ELOVL5: variants seen among roughly 807,000 people sequenced by gnomAD.
The protein encoded by ELOVL5 is ELOVL fatty acid elongase 5.
ELOVL5 carries 8 observed loss-of-function variants against 38.6 expected under a neutral mutation model. The observed-to-expected ratio is 0.21, with a 90% CI of 0.12 to 0.37. The LOEUF is 0.37. Among genes scored for constraint, ELOVL5 ranks in the 10% least tolerant of loss-of-function variants. The pLI is 1.00. For missense variants in ELOVL5, 280 were observed against 367.8 expected, an observed-to-expected ratio of 0.76 and a Z score of 1.95; for synonymous variants, 127 against 133.7, an observed-to-expected ratio of 0.95 and a Z score of 0.34.
intron 1 of ELOVL5, among the ~76,000 whole-genome samples, chr6:53,307,392 TA>T (rs1401221330): frequency 6.6e-6 from 1 of 152,220 alleles, no homozygotes; most frequent in Non-Finnish European, 1.5e-5. Flanking sequence ...AAAATGAGGG[TA>T]ATTACATTAA....
intron 3 of ELOVL5, among the ~76,000 whole-genome samples, chr6:53,279,404 C>G (rs13192256): frequency 0.062 from 9,393 of 152,252 alleles, 402 homozygotes; most frequent in African/African-American, 0.11. Context: ...TCTCCTTCCT[C>G]TACCCTCACC....
chr6:53,273,560 G>C (rs928736968), intron 5 of ELOVL5, among the ~76,000 whole-genome samples: 2 of 152,222 alleles, frequency 1.3e-5, no homozygotes, highest in South Asian at 2.1e-4. Context: ...CCGAGCCCAG[G>C]GGTCAGCTGT....
chr6:53,273,891 T>C (rs960123509), intron 5 of ELOVL5, among the ~76,000 whole-genome samples: 14 of 152,218 alleles, frequency 9.2e-5, no homozygotes, highest in African/African-American at 2.7e-4. Flanking sequence ...AGCCATCTTA[T>C]CACATCATTT....
rs935628477 is a variant in ELOVL5, at chr6:53,329,616, G to A, written c.-9+19201C>T. Among the ~76,000 whole-genome samples the A allele has an allele frequency of 3.3e-5, 5 of 152,166 alleles. No individual in the cohort carries two copies. In the South Asian group the frequency reaches 8.3e-4, roughly 25 times the overall value. On this transcript the variant is annotated intron_variant, in intron 1 of 7. Transcript: ENST00000304434. ...AGGCGGGTGGATCACCTGAGGTCAG[G>A]AGTTCGAGACCAGCCTGGCCAACAC...
At chr6:53,306,387 A>G (rs112595921) in intron 1 of ELOVL5, among the ~76,000 whole-genome samples, 169 of 12,246 alleles carry the variant, frequency 0.014, 10 homozygotes, top group African/African-American at 0.029. Flanking sequence ...GAGGGGAGAG[A>G]GAGAGGGGAG....
At chr6:53,312,687 T>C (rs530287939) in intron 1 of ELOVL5, among the ~76,000 whole-genome samples, 1 of 152,332 alleles carries the variant, frequency 6.6e-6, no homozygotes, top group Admixed American at 6.5e-5. Flanking sequence ...GATCTCTGTA[T>C]TATTTCTTAC....
At chr6:53,302,861 A>G (rs1384919439) in intron 1 of ELOVL5, among the ~76,000 whole-genome samples, 3 of 151,772 alleles carry the variant, frequency 2.0e-5, no homozygotes, top group African/African-American at 4.8e-5. Context: ...ACGTTTAGCT[A>G]TTGTCTAGCT....
chr6:53,299,540 C>A (rs1767162282), intron 1 of ELOVL5, among the ~76,000 whole-genome samples: 1 of 152,202 alleles, frequency 6.6e-6, no homozygotes, highest in African/African-American at 2.4e-5. Context: ...TCTAGGCTAA[C>A]ATCACGGCAA....
At chr6:53,323,576 C>CTTTTTT (rs3063792) in intron 1 of ELOVL5, among the ~76,000 whole-genome samples, 83 of 81,534 alleles carry the variant, frequency 1.0e-3, no homozygotes, top group African/African-American at 2.0e-3. Flanking sequence ...TACTAGCCAG[C>CTTTTTT]TTTTTTTTTT....
intron 1 of ELOVL5, among the ~76,000 whole-genome samples, chr6:53,323,222 TC>T (rs757189960): frequency 6.6e-6 from 1 of 152,140 alleles, no homozygotes; most frequent in Non-Finnish European, 1.5e-5. Flanking sequence ...CACTACTGGG[TC>T]CCAAGTAGTA....
intron 3 of ELOVL5, chr6:53,288,044 G>A (rs1766639544): frequency 2.0e-6 from 2 of 1,021,268 alleles, no homozygotes; most frequent in Non-Finnish European, 1.5e-6. Context: ...TGAGGACAGA[G>A]CATCTGCCTA....
chr6:53,301,512 C>A (rs1256011104), intron 1 of ELOVL5, among the ~76,000 whole-genome samples: 2 of 152,158 alleles, frequency 1.3e-5, no homozygotes, highest in Non-Finnish European at 2.9e-5. Flanking sequence ...ACGCTGACAC[C>A]AAGCCAAAGC....
At chr6:53,291,595 C>T (rs941073222) in intron 3 of ELOVL5, among the ~76,000 whole-genome samples, 181 bp downstream of exon 3, 1 of 152,168 alleles carries the variant, frequency 6.6e-6, no homozygotes, top group African/African-American at 2.4e-5. Flanking sequence ...CATACTTGTA[C>T]AAACAACTCT....
At position 53,296,108 on chromosome 6, in the gene ELOVL5, C is replaced by A. The variant is rs1364413879; in HGVS notation, c.-8-401G>T. ...GACAAGGAAGAGCCATATCAGGGAA[C>A]AGAATGCCACAGTGACAAGACAGTT... On this transcript the variant is annotated intron_variant, in intron 1 of 7. Transcript: ENST00000304434. 1.3e-5 allele frequency among the ~76,000 whole-genome samples: 2 copies of A among 152,042 alleles called. 1 individual carries two copies. The highest frequency in any genetic ancestry group is 4.8e-5 in the African/African-American group (2 of 41,386).
chr6:53,311,334 T>G (rs209487), intron 1 of ELOVL5, among the ~76,000 whole-genome samples: 2,112 of 152,260 alleles, frequency 0.014, 22 homozygotes, highest in Non-Finnish European at 0.022. Context: ...TAACAAATAC[T>G]GGCCAAGTAG....
chr6:53,323,855 T>A (rs1581980048), intron 1 of ELOVL5, among the ~76,000 whole-genome samples: 1 of 152,176 alleles, frequency 6.6e-6, no homozygotes. Flanking sequence ...ATTACGGGCA[T>A]GGGCCACCGC....
At position 53,324,211 on chromosome 6, in the gene ELOVL5, C is replaced by CTACT. The variant is rs538757161; in HGVS notation, c.-9+24602_-9+24605dup. ...GAGGTTGCAGTGAGCTGAGATTGTG[C>CTACT]TACTGCACTCCAGCCTGGGAGACAG... On this transcript the variant is annotated intron_variant, in intron 1 of 7. Transcript: ENST00000304434. Among the ~76,000 whole-genome samples the CTACT allele has an allele frequency of 3.1e-3, 428 of 140,294 alleles. 1 individual carries two copies. Among genetic ancestry groups the CTACT allele is most frequent in the African/African-American group, 0.011 (404 of 37,244 alleles). The allele number at this position is 140,294 out of a possible 152,430, so 92.0% of individuals were successfully genotyped here. A position where few individuals can be genotyped will look rare whatever the true frequency, so the allele number is the denominator to read the frequency against.
At position 53,310,209 on chromosome 6, in the gene ELOVL5, C is replaced by A. The variant is rs549161642; in HGVS notation, c.-8-14502G>T. Among the ~76,000 whole-genome samples the A allele has an allele frequency of 3.9e-5, 6 of 152,302 alleles. No homozygotes were observed. In the South Asian group the frequency reaches 1.2e-3, roughly 32 times the overall value. On this transcript the variant is annotated intron_variant, in intron 1 of 7. Coordinates refer to ENST00000304434, the MANE Select transcript of ELOVL5 (RefSeq NM_021814.5). Reference sequence around the variant, plus strand: ...GAAGAGAAGTGAAAAGGCTTATTATCTAAAGTATAGAATTTGGTTAGGAAA... The same window carrying A: ...GAAGAGAAGTGAAAAGGCTTATTATATAAAGTATAGAATTTGGTTAGGAAA...
chr6:53,293,261 CAGAGA>C, intron 2 of ELOVL5, among the ~76,000 whole-genome samples: 1 of 152,290 alleles, frequency 6.6e-6, no homozygotes, highest in East Asian at 1.9e-4. Flanking sequence ...ACTGCGTCTT[CAGAGA>C]AGCAGCAGTT....
Sources: gnomAD v4.1 joint callset for allele counts (sites outside exome capture counted in the v4.1 genomes callset) on GRCh38, gnomAD v4.1.1 for gene constraint, MANE v1.5 for transcripts, NCBI Gene and HGNC (gene_info 2026-07-23, HGNC 2026-07-21) for gene names.